Variants in ZFP2 observed in about 807,000 individuals in gnomAD.
ZFP2 encodes zinc finger protein ZFP2.
A neutral mutation model predicts 36.1 loss-of-function variants in ZFP2; 33 were observed. That is an observed-to-expected ratio of 0.92 (90% CI 0.69 to 1.22). The LOEUF (loss-of-function observed/expected upper bound fraction) is 1.22, where lower values mean the gene tolerates loss of function less well. Among genes scored for constraint, ZFP2 ranks in the 50% most tolerant of loss-of-function variants. ZFP2 has a pLI of 0.00. For synonymous variants in ZFP2, 170 were observed against 178.0 expected (o/e 0.96, Z 0.36); for missense variants, 522 against 551.4 (o/e 0.95, Z 0.53).
In ZFP2 at chr5:178,931,593, A is replaced by G; in HGVS notation, c.280A>G (p.Arg94Gly). ...AAATTCTGAGTTAATTAAAACTCAA[A>G]GAATGTTTGTAGGAAAGAAGATCTA... ...TQNSELIKTQ[R>G]MFVGKKIYEC... The change falls in exon 5 of 5, where the codon AGA becomes GGA. Residue 94 changes from arginine to glycine, a missense_variant. By Grantham distance (125) the Arg-to-Gly change is moderately radical. Coordinates refer to ENST00000361362, the MANE Select transcript of ZFP2 (RefSeq NM_030613.4). 6.2e-7 allele frequency: 1 copy of G among 1,614,210 alleles called. No individual in the cohort carries two copies. The highest frequency in any genetic ancestry group is 8.5e-7 in the Non-Finnish European group (1 of 1,180,034).
intron 1 of ZFP2, among the ~76,000 whole-genome samples, chr5:178,899,324 G>A (rs1413592113): frequency 6.6e-6 from 1 of 152,148 alleles, no homozygotes; most frequent in African/African-American, 2.4e-5. Flanking sequence ...TCATTTAATA[G>A]TAATAGCTAC....
intron 1 of ZFP2, among the ~76,000 whole-genome samples, chr5:178,911,132 T>C (rs1009281389): frequency 6.6e-6 from 1 of 152,242 alleles, no homozygotes; most frequent in Admixed American, 6.5e-5. Flanking sequence ...ATTTTTAATA[T>C]ATTTTTGTAA....
Position 178,916,678 on chromosome 5 carries a change from G to A in ZFP2, c.-110G>A. 1 of 985,446 alleles carries A rather than the reference G, an allele frequency of 1.0e-6. No homozygotes were observed. Among genetic ancestry groups the A allele is most frequent in the Non-Finnish European group, 1.2e-6 (1 of 829,948 alleles). The allele number at this position is 985,446 out of a possible 1,614,324, so 61.0% of individuals were successfully genotyped here. A position where few individuals can be genotyped will look rare whatever the true frequency, so the allele number is the denominator to read the frequency against. ...GCTGTGCTCAGCTCTTCCACAGCCAGCATCTCACTTACTTGACACAAAACA... is the reference window on the plus strand; with the variant it reads ...GCTGTGCTCAGCTCTTCCACAGCCAACATCTCACTTACTTGACACAAAACA... On this transcript the variant is annotated 5_prime_UTR_variant, in exon 4 of 5. Coordinates refer to ENST00000361362, the MANE Select transcript of ZFP2 (RefSeq NM_030613.4).
Position 178,902,466 on chromosome 5 carries a change from C to T in ZFP2, c.-450+6492C>T, listed in dbSNP as rs145897727. On this transcript the variant is annotated intron_variant, in intron 1 of 4. Transcript: ENST00000361362. Reference sequence around the variant, plus strand: ...CACATCACACATTGTATTTAGCTGTCGTATCTCCTTGGTCTCCTTTTATCT... The same window carrying T: ...CACATCACACATTGTATTTAGCTGTTGTATCTCCTTGGTCTCCTTTTATCT... 4.6e-3 allele frequency among the ~76,000 whole-genome samples: 705 copies of T among 152,244 alleles called. 5 individuals carry two copies. Among genetic ancestry groups the T allele is most frequent in the African/African-American group, 0.016 (666 of 41,536 alleles).
intron 1 of ZFP2, among the ~76,000 whole-genome samples, chr5:178,902,499 T>A (rs574285143): frequency 6.6e-6 from 1 of 152,322 alleles, no homozygotes; most frequent in Admixed American, 6.5e-5. Context: ...TCTAGAAAAG[T>A]TCATTATTGA....
At position 178,920,420 on chromosome 5, in the gene ZFP2, C is replaced by T. The variant is rs535580152; in HGVS notation, c.-78+3710C>T. On this transcript the variant is annotated intron_variant, in intron 4 of 4. Transcript: ENST00000361362. ...TTGAGAGGCCAAGGCTGGTGGGTCA[C>T]GAGGTTAGGATTTCAAGACCAGCCT... 1.4e-3 allele frequency among the ~76,000 whole-genome samples: 216 copies of T among 152,168 alleles called. 5 individuals carry two copies. The highest frequency in any genetic ancestry group is 3.4e-3 in the Middle Eastern group (1 of 294).
intron 1 of ZFP2, among the ~76,000 whole-genome samples, chr5:178,905,196 G>A (rs377241930): frequency 6.6e-5 from 10 of 152,224 alleles, no homozygotes; most frequent in East Asian, 5.8e-4. Flanking sequence ...CCATCTTTAC[G>A]ATGTTTATTC....
At chr5:178,897,970 A>G (rs946615553) in intron 1 of ZFP2, among the ~76,000 whole-genome samples, 8 of 152,156 alleles carry the variant, frequency 5.3e-5, no homozygotes, top group Admixed American at 3.9e-4. Context: ...CACAACTTAA[A>G]TATTTTTTCC....
intron 1 of ZFP2, among the ~76,000 whole-genome samples, chr5:178,903,355 G>A (rs1758097380): frequency 6.6e-6 from 1 of 151,934 alleles, no homozygotes; most frequent in Non-Finnish European, 1.5e-5. Context: ...TGGGCATATA[G>A]ACTAATCATA....
chr5:178,910,226 A>G, intron 1 of ZFP2: 1 of 1,580,474 alleles, frequency 6.3e-7, no homozygotes, highest in Non-Finnish European at 8.7e-7. Flanking sequence ...GGAACTTCCA[A>G]GCCAAGAGCA....
chr5:178,925,829 T>C (rs1758657485), intron 4 of ZFP2, among the ~76,000 whole-genome samples: 1 of 149,166 alleles, frequency 6.7e-6, no homozygotes, highest in South Asian at 2.1e-4. Flanking sequence ...GTAGGTAGTT[T>C]CTATTTTTTT....
At chr5:178,907,048 A>G (rs925431060) in intron 1 of ZFP2, among the ~76,000 whole-genome samples, 4 of 152,146 alleles carry the variant, frequency 2.6e-5, no homozygotes, top group Admixed American at 6.5e-5. Context: ...GTAGGACCAG[A>G]GTCAGCTCCT....
rs138203032 is a variant in ZFP2 at position 178,912,352 on chromosome 5, C to T, written c.-449-232C>T. On this transcript the variant is annotated intron_variant, in intron 1 of 4. Coordinates refer to ENST00000361362, the MANE Select transcript of ZFP2 (RefSeq NM_030613.4). ...TTCCTCTCCCATGGGAATCTAGAGC[C>T]GCCTTTAGTGCCTTTCCTTATTTCT... 4.6e-3 allele frequency among the ~76,000 whole-genome samples: 694 copies of T among 152,244 alleles called. 5 individuals are homozygous for T. The highest frequency in any genetic ancestry group is 0.016 in the African/African-American group (656 of 41,534).
chr5:178,909,798 T>G (rs1764622281), intron 1 of ZFP2: 3 of 1,591,366 alleles, frequency 1.9e-6, no homozygotes, highest in Admixed American at 1.7e-5. Context: ...CATTTCCCAC[T>G]CCACAAAGGT....
intron 4 of ZFP2, among the ~76,000 whole-genome samples, chr5:178,926,277 A>G (rs1758667645): frequency 1.3e-5 from 2 of 151,660 alleles, no homozygotes; most frequent in South Asian, 2.1e-4. Context: ...TTTAAAATTT[A>G]TTTCCTGAAC....
chr5:178,931,233 TCAGACTGGGAGA>T lies in ZFP2; in HGVS notation c.-77-1_-67del. ...TGTGCATTTGAATTTTTTTTTTTTT[TCAGACTGGGAGA>T]CAAGACTTGAAACCAAAGAGCCAAC... On this transcript the variant is annotated splice_acceptor_variant and splice_polypyrimidine_tract_variant and 5_prime_UTR_variant and intron_variant, in exon 5 of 5. Transcript: ENST00000361362. LOFTEE classifies it low-confidence loss of function (5UTR_SPLICE). 1 of 1,498,608 alleles carries T rather than the reference TCAGACTGGGAGA, an allele frequency of 6.7e-7. No homozygotes were observed. The highest frequency in any genetic ancestry group is 8.9e-7 in the Non-Finnish European group (1 of 1,128,044). The allele number at this position is 1,498,608 out of a possible 1,614,324, so 92.8% of individuals were successfully genotyped here.
rs540138132 is a variant in ZFP2, at chr5:178,913,014, C to T, written c.-281C>T. On this transcript the variant is annotated 5_prime_UTR_variant, in exon 3 of 5. The change creates a premature stop within an existing upstream ORF in the 5' untranslated region. Transcript: ENST00000361362. Reference sequence around the variant, plus strand: ...CCTTTCCAAACCCAATGGGACTTCCCAGCTGGAACGAGAACTGAGTCTGAT... The same window carrying T: ...CCTTTCCAAACCCAATGGGACTTCCTAGCTGGAACGAGAACTGAGTCTGAT... 1.1e-4 allele frequency: 107 copies of T among 985,874 alleles called. 2 individuals are homozygous for T. The East Asian group carries it at 1.0e-2, about 92-fold the overall frequency. 61.1% of individuals were successfully genotyped at this position (985,874 alleles called of 1,614,324 possible). A position where few individuals can be genotyped will look rare whatever the true frequency, so the allele number is the denominator to read the frequency against.
At position 178,932,295 on chromosome 5, in the gene ZFP2, T is replaced by C. The variant is rs1758866582; in HGVS notation, c.982T>C (p.Cys328Arg). ...RLHSGVKPFE[C>R]NECGKAFSKN... Reference sequence around the variant, plus strand: ...TCATTCTGGAGTAAAACCTTTTGAATGTAACGAGTGTGGAAAAGCTTTCAG... The same window carrying C: ...TCATTCTGGAGTAAAACCTTTTGAACGTAACGAGTGTGGAAAAGCTTTCAG... Residue 328 changes from cysteine to arginine, a missense_variant, in exon 5 of 5, where the codon TGT becomes CGT. Physicochemically the swap from Cys to Arg is radical, Grantham distance 180. Coordinates refer to ENST00000361362, the MANE Select transcript of ZFP2 (RefSeq NM_030613.4). The C allele has an allele frequency of 3.1e-6, 5 of 1,614,066 alleles. No homozygotes were observed. Among genetic ancestry groups the C allele is most frequent in the Non-Finnish European group, 4.2e-6 (5 of 1,180,036 alleles).
intron 4 of ZFP2, among the ~76,000 whole-genome samples, chr5:178,921,107 GTGGCCAGTA>G (rs1425259798): frequency 6.6e-6 from 1 of 152,166 alleles, no homozygotes; most frequent in African/African-American, 2.4e-5. Context: ...GTGTCACTCT[GTGGCCAGTA>G]TGGAATTTAA....
Sources: gnomAD v4.1 joint callset for allele counts (sites outside exome capture counted in the v4.1 genomes callset) on GRCh38, gnomAD v4.1.1 for gene constraint, MANE v1.5 for transcripts, NCBI Gene and HGNC (gene_info 2026-07-23, HGNC 2026-07-21) for gene names.